The following EPHA6 variants were observed in gnomAD, a reference collection of about 807,000 sequenced individuals.
EPHA6 encodes the protein ephrin type-A receptor 6.
A neutral mutation model predicts 112.0 loss-of-function variants in EPHA6; 50 were observed. The ratio of observed to expected loss-of-function variants is 0.45; its 90% CI spans 0.36 to 0.56. The LOEUF (loss-of-function observed/expected upper bound fraction) is 0.56. Ranked by LOEUF, EPHA6 falls within the 20% of genes least tolerant of loss-of-function variation. The probability of loss-of-function intolerance (pLI) is 0.00; values close to 1 mark genes in which losing one functional copy is unlikely to be tolerated. For missense variants in EPHA6, 1,280 were observed against 1,417.4 expected (o/e 0.90, Z 1.56); for synonymous variants, 529 against 490.7 (o/e 1.08, Z -1.03).
intron 3 of EPHA6, among the ~76,000 whole-genome samples, chr3:97,021,615 T>G (rs1268037171): frequency 6.6e-6 from 1 of 152,224 alleles, no homozygotes; most frequent in Non-Finnish European, 1.5e-5. Context: ...GTGGGGATGC[T>G]CTTCCTTACT....
At chr3:97,105,224 G>A (rs1458779423) in intron 3 of EPHA6, among the ~76,000 whole-genome samples, 1 of 151,812 alleles carries the variant, frequency 6.6e-6, no homozygotes, top group African/African-American at 2.4e-5. Context: ...GTTATGTTAG[G>A]TGGTTAATTT....
chr3:97,014,646 G>C (rs2107956832), intron 3 of EPHA6, among the ~76,000 whole-genome samples: 2 of 152,286 alleles, frequency 1.3e-5, no homozygotes, highest in South Asian at 4.1e-4. Context: ...TGATCTGCCT[G>C]TGAATACAAA....
In EPHA6 at chr3:97,752,971, A is replaced by T. The variant is rs921110078; in HGVS notation, c.*4270A>T. Reference sequence around the variant, plus strand: ...GACTCATATTACTTTACATTCAATCAACAAATATTTTAATATTTTTTAATA... The same window carrying T: ...GACTCATATTACTTTACATTCAATCTACAAATATTTTAATATTTTTTAATA... On this transcript the variant is annotated 3_prime_UTR_variant, in exon 18 of 18. Transcript: ENST00000389672. 6.6e-6 allele frequency among the ~76,000 whole-genome samples: 1 copy of T among 152,078 alleles called. No individual in the cohort carries two copies. The highest frequency in any genetic ancestry group is 2.4e-5 in the African/African-American group (1 of 41,422).
At chr3:97,705,875 C>T (rs75302498) in intron 14 of EPHA6, among the ~76,000 whole-genome samples, 1,897 of 152,258 alleles carry the variant, frequency 0.012, 31 homozygotes, top group African/African-American at 0.043. Context: ...CTTCTTTCTA[C>T]TTGCAGCCAA....
chr3:97,607,023 GT>G, intron 12 of EPHA6, among the ~76,000 whole-genome samples: 1 of 151,110 alleles, frequency 6.6e-6, no homozygotes, highest in East Asian at 1.9e-4. Context: ...CTGTAATAGA[GT>G]TTTGAGGTTG....
chr3:96,940,235 T>C (rs1279631925), intron 2 of EPHA6, among the ~76,000 whole-genome samples: 1 of 152,202 alleles, frequency 6.6e-6, no homozygotes, highest in African/African-American at 2.4e-5. Flanking sequence ...TGTGGGAGTC[T>C]AAGTATCTTT....
intron 14 of EPHA6, chr3:97,648,372 T>A: frequency 6.4e-7 from 1 of 1,557,562 alleles, no homozygotes; most frequent in Non-Finnish European, 8.6e-7. Context: ...TAAGAAGACA[T>A]AGCCTACACC....
intron 5 of EPHA6, among the ~76,000 whole-genome samples, chr3:97,360,585 C>T (rs967805253): frequency 6.6e-6 from 1 of 151,828 alleles, no homozygotes; most frequent in Non-Finnish European, 1.5e-5. Flanking sequence ...AATTTTGTGT[C>T]TGGTTTGGAG....
chr3:97,096,879 T>C (rs1411227709), intron 3 of EPHA6, among the ~76,000 whole-genome samples: 1 of 151,862 alleles, frequency 6.6e-6, no homozygotes, highest in Non-Finnish European at 1.5e-5. Flanking sequence ...AAATAAAGTC[T>C]ATCATCTGTT....
chr3:97,378,332 A>G (rs921692519), intron 5 of EPHA6, among the ~76,000 whole-genome samples: 4 of 152,192 alleles, frequency 2.6e-5, no homozygotes, highest in Non-Finnish European at 4.4e-5. Context: ...AAGAAAATAT[A>G]TGGAAATGCC....
At chr3:97,024,921 A>G (rs770948407) in intron 3 of EPHA6, among the ~76,000 whole-genome samples, 21 of 152,352 alleles carry the variant, frequency 1.4e-4, no homozygotes, top group Non-Finnish European at 2.9e-4. Flanking sequence ...CTGAAAAATT[A>G]AAATAGTTTT....
At chr3:97,243,921 G>A (rs1399772351) in intron 4 of EPHA6, 31 bp from the exon 5 acceptor site, 4 of 1,501,254 alleles carry the variant, frequency 2.7e-6, no homozygotes, top group Non-Finnish European at 3.6e-6. Flanking sequence ...TCCTATATAT[G>A]TACATTTGTT....
intron 5 of EPHA6, among the ~76,000 whole-genome samples, chr3:97,335,806 G>T (rs1367103572): frequency 6.6e-6 from 1 of 152,100 alleles, no homozygotes; most frequent in Non-Finnish European, 1.5e-5. Flanking sequence ...CCTCACATCA[G>T]TCTCCCCAAG....
chr3:97,172,127 T>A (rs1284040528), intron 3 of EPHA6, among the ~76,000 whole-genome samples: 2 of 152,024 alleles, frequency 1.3e-5, no homozygotes, highest in Non-Finnish European at 2.9e-5. Flanking sequence ...ACATGGCATA[T>A]ATAGACTGAT....
At chr3:97,043,662 G>T (rs1401414761) in intron 3 of EPHA6, among the ~76,000 whole-genome samples, 1 of 152,084 alleles carries the variant, frequency 6.6e-6, no homozygotes, top group Non-Finnish European at 1.5e-5. Context: ...TTGCTTGTCT[G>T]ATTCCTCAGT....
intron 11 of EPHA6, among the ~76,000 whole-genome samples, chr3:97,577,058 C>T (rs967841514): frequency 6.6e-6 from 1 of 151,986 alleles, no homozygotes; most frequent in Non-Finnish European, 1.5e-5. Context: ...ACTGTGTCTC[C>T]CAGGCTGGAG....
At chr3:97,303,028 C>T (rs1360404430) in intron 5 of EPHA6, among the ~76,000 whole-genome samples, 1 of 151,546 alleles carries the variant, frequency 6.6e-6, no homozygotes, top group Non-Finnish European at 1.5e-5. Context: ...AGTAATGAAA[C>T]CAAGGAATGA....
intron 12 of EPHA6, among the ~76,000 whole-genome samples, chr3:97,600,883 A>G (rs1294950592): frequency 1.3e-5 from 2 of 151,536 alleles, no homozygotes; most frequent in Non-Finnish European, 2.9e-5. Flanking sequence ...TTCTCCTTCC[A>G]GAAAGACATG....
chr3:96,911,083 G>A (rs2039191141), intron 2 of EPHA6, among the ~76,000 whole-genome samples: 1 of 152,004 alleles, frequency 6.6e-6, no homozygotes, highest in South Asian at 2.1e-4. Flanking sequence ...GGAAAATGCT[G>A]ATGGCTATTA....
Sources: allele counts gnomAD v4.1 joint callset (sites outside exome capture counted in the v4.1 genomes callset), GRCh38; gene constraint gnomAD v4.1.1; transcripts MANE v1.5; gene names NCBI Gene and HGNC (gene_info 2026-07-23, HGNC 2026-07-21).